The following ERG variants were observed in gnomAD, a reference collection of about 807,000 sequenced individuals.
The protein encoded by ERG is ETS transcription factor ERG, also known as transcriptional regulator ERG.
ERG carries 9 observed loss-of-function variants against 55.3 expected under a neutral mutation model. That is an observed-to-expected ratio of 0.16 (90% CI 0.10 to 0.28). The LOEUF (loss-of-function observed/expected upper bound fraction) is 0.28. Among genes scored for constraint, ERG ranks in the 10% least tolerant of loss-of-function variants. ERG has a pLI of 1.00. For missense variants in ERG, 434 were observed against 631.6 expected (o/e 0.69, Z 3.35); for synonymous variants, 223 against 237.3 (o/e 0.94, Z 0.55).
the ERG span, among the ~76,000 whole-genome samples, chr21:38,369,950 G>C: frequency 6.6e-6 from 1 of 151,930 alleles, no homozygotes; most frequent in African/African-American, 2.4e-5. Context: ...CTTATTTCTG[G>C]GTTCTCTATT....
rs546912228 is a variant in ERG at position 38,625,318 on chromosome 21, C to G, written c.-150+36340G>C. Among the ~76,000 whole-genome samples, 124 of 152,106 alleles carry G rather than the reference C, an allele frequency of 8.2e-4. 1 individual carries two copies. Among genetic ancestry groups the G allele is most frequent in the Admixed American group, 1.3e-3 (20 of 15,282 alleles). The stretch of plus-strand genomic sequence containing the variant: ...CTCTTAGAGGTAAAGGTTTGAAGAA[C>G]AGAGTTATTTGGTCTACTTGCACCA... On this transcript the variant is annotated intron_variant, in intron 1 of 10. Coordinates refer to the ERG transcript ENST00000398910.
chr21:38,475,947 AT>A (rs1898264385), intron 1 of ERG, among the ~76,000 whole-genome samples: 1 of 152,194 alleles, frequency 6.6e-6, no homozygotes, highest in Non-Finnish European at 1.5e-5. Flanking sequence ...CCTTTCTGCC[AT>A]TTCTTGGAAG....
chr21:38,480,877 A>T (rs2059232841), intron 1 of ERG, among the ~76,000 whole-genome samples: 1 of 152,138 alleles, frequency 6.6e-6, no homozygotes, highest in South Asian at 2.1e-4. Flanking sequence ...AACATCTCTC[A>T]GTTTTGTTTA....
intron 2 of ERG, among the ~76,000 whole-genome samples, chr21:38,424,483 C>T (rs1989727355): frequency 6.6e-6 from 1 of 152,186 alleles, no homozygotes; most frequent in African/African-American, 2.4e-5. Context: ...GCTTCTGTTT[C>T]TTAAGCAGCT....
At chr21:38,625,739 G>T (rs1048887952) in intron 1 of ERG, among the ~76,000 whole-genome samples, 1 of 152,028 alleles carries the variant, frequency 6.6e-6, no homozygotes, top group African/African-American at 2.4e-5. Context: ...CTTTATTTTT[G>T]AACAGGTTCC....
At chr21:38,596,066 G>A (rs1295795854) in intron 1 of ERG, among the ~76,000 whole-genome samples, 1 of 149,256 alleles carries the variant, frequency 6.7e-6, no homozygotes, top group East Asian at 2.0e-4. Context: ...TGGGGGGGGG[G>A]GGTCTCTTTT....
intron 2 of ERG, among the ~76,000 whole-genome samples, chr21:38,531,933 G>T (rs2059675033): frequency 6.6e-6 from 1 of 152,036 alleles, no homozygotes. Context: ...TTCAACTGAG[G>T]CAATTGTGTA....
At chr21:38,469,610 T>C (rs1875116201) in intron 1 of ERG, among the ~76,000 whole-genome samples, 1 of 152,232 alleles carries the variant, frequency 6.6e-6, no homozygotes, top group Non-Finnish European at 1.5e-5. Context: ...AACAAACACA[T>C]TTTATGATAT....
At chr21:38,369,657 A>C in the ERG span, among the ~76,000 whole-genome samples, 1 of 152,088 alleles carries the variant, frequency 6.6e-6, no homozygotes. Context: ...GCTTTTGTTC[A>C]GTTGCTTTTG....
At chr21:38,462,407 C>T (rs2186346) in intron 1 of ERG, among the ~76,000 whole-genome samples, 122,937 of 152,178 alleles carry the variant, frequency 0.81, 49,778 homozygotes, top group Admixed American at 0.84. Context: ...ATCTTAAGAA[C>T]GTAAAGGGGT....
intron 1 of ERG, among the ~76,000 whole-genome samples, chr21:38,582,520 G>A (rs1288219144): frequency 1.3e-5 from 2 of 152,228 alleles, no homozygotes; most frequent in Non-Finnish European, 2.9e-5. Flanking sequence ...GTCAGTGCAA[G>A]AGTTGGCCTG....
chr21:38,537,639 T>G (rs1279835965), intron 2 of ERG, among the ~76,000 whole-genome samples: 2 of 152,172 alleles, frequency 1.3e-5, no homozygotes, highest in East Asian at 1.9e-4. Flanking sequence ...TCGTAGCCAT[T>G]AGTATGACTA....
chr21:38,397,732 G>GTGGA (rs1189055445), intron 6 of ERG, among the ~76,000 whole-genome samples: 1 of 152,114 alleles, frequency 6.6e-6, no homozygotes, highest in Admixed American at 6.5e-5. Flanking sequence ...TGCTGGGAAG[G>GTGGA]TGGATGCAGC....
At chr21:38,536,621 C>G (rs1359978988) in intron 2 of ERG, among the ~76,000 whole-genome samples, 2 of 152,102 alleles carry the variant, frequency 1.3e-5, no homozygotes, top group Admixed American at 1.3e-4. Context: ...GAGCCCGAGA[C>G]CTAGTGGGTA....
intron 1 of ERG, among the ~76,000 whole-genome samples, chr21:38,593,350 T>C (rs1389342174): frequency 6.6e-6 from 1 of 152,212 alleles, no homozygotes; most frequent in Non-Finnish European, 1.5e-5. Context: ...TTACCAGGGA[T>C]TTTTTCCTTA....
chr21:38,464,553 G>A (rs1004834754), intron 1 of ERG, among the ~76,000 whole-genome samples: 4 of 152,052 alleles, frequency 2.6e-5, no homozygotes, highest in African/African-American at 7.2e-5. Flanking sequence ...TACAGGATAT[G>A]TTCATTTTTA....
chr21:38,391,643 G>A lies in ERG; in HGVS notation c.871+16C>T, dbSNP rs1282613074. 3.1e-6 allele frequency: 5 copies of A among 1,603,358 alleles called. No homozygotes were observed. The highest frequency in any genetic ancestry group is 1.1e-5 in the South Asian group (1 of 89,872). The stretch of plus-strand genomic sequence containing the variant: ...AATCTTCTCTTATGGTTATCCAGAC[G>A]GCCCCTGAAACATACCTAACTGAGG... On this transcript the variant is annotated intron_variant, in intron 8 of 9. Transcript: ENST00000288319.
At chr21:38,570,698 G>A (rs1450732567) in intron 2 of ERG, among the ~76,000 whole-genome samples, 1 of 152,214 alleles carries the variant, frequency 6.6e-6, no homozygotes, top group African/African-American at 2.4e-5. Flanking sequence ...CACCAAGTTA[G>A]TAAACATCAG....
chr21:38,432,983 T>C (rs1990289428), intron 2 of ERG, among the ~76,000 whole-genome samples: 1 of 152,206 alleles, frequency 6.6e-6, no homozygotes, highest in African/African-American at 2.4e-5. Flanking sequence ...GGATGAGGGT[T>C]ACAGACGTGA....
Sources: gnomAD v4.1 joint callset for allele counts (sites outside exome capture counted in the v4.1 genomes callset) on GRCh38, gnomAD v4.1.1 for gene constraint, MANE v1.5 for transcripts, NCBI Gene and HGNC (gene_info 2026-07-23, HGNC 2026-07-21) for gene names.